The following DYNC2H1 variants were observed in gnomAD, a reference collection of about 807,000 sequenced individuals.
DYNC2H1 encodes cytoplasmic dynein 2 heavy chain 1.
In DYNC2H1, 410 loss-of-function variants were observed where a neutral mutation model predicts 570.0. The observed-to-expected ratio is 0.72, with a 90% CI of 0.66 to 0.78. The LOEUF is 0.78. Ranked by LOEUF, DYNC2H1 falls within the 30% of genes least tolerant of loss-of-function variation. The probability of loss-of-function intolerance (pLI) is 0.00; values close to 1 mark genes in which losing one functional copy is unlikely to be tolerated. For synonymous variants in DYNC2H1, 1,688 were observed against 1,677.6 expected (o/e 1.01, Z -0.15); for missense variants, 4,865 against 5,046.4 (o/e 0.96, Z 1.09).
rs759135393 is a variant in DYNC2H1, at chr11:103,222,090, A to C, written c.9168A>C (p.Ser3056=). Residue 3056 remains serine, a synonymous_variant, in exon 58 of 89, where the codon TCA becomes TCC. Coordinates refer to ENST00000375735, the MANE Select transcript of DYNC2H1 (RefSeq NM_001377.3). ...CAACCTTTGATGCCCGAAATATTTC[A>C]AAGGAAATAAGAGAGAGTGTTGAAG... is the stretch of plus-strand genomic sequence containing the variant. ...DIATFDARNI[S]KEIRESVEEL... is the part of the protein sequence containing the mutation. 2 of 1,609,540 alleles carry C rather than the reference A, an allele frequency of 1.2e-6. No homozygotes were observed. Among genetic ancestry groups the C allele is most frequent in the East Asian group, 4.5e-5 (2 of 44,704 alleles).
At chr11:103,376,252 C>G (rs1395449329) in intron 83 of DYNC2H1, among the ~76,000 whole-genome samples, 1 of 152,204 alleles carries the variant, frequency 6.6e-6, no homozygotes, top group Non-Finnish European at 1.5e-5. Flanking sequence ...ATTACCCAGT[C>G]TCAGGTAATT....
intron 78 of DYNC2H1, among the ~76,000 whole-genome samples, chr11:103,310,517 GGTT>G (rs1323733920): frequency 6.6e-6 from 1 of 151,820 alleles, no homozygotes; most frequent in Non-Finnish European, 1.5e-5. Flanking sequence ...AACTCTAAGT[GGTT>G]GTTTGGTTTC....
At chr11:103,211,339 C>T (rs974114472) in intron 53 of DYNC2H1, among the ~76,000 whole-genome samples, 31 of 151,994 alleles carry the variant, frequency 2.0e-4, no homozygotes, top group African/African-American at 7.5e-4. Context: ...CTAGTGTGAA[C>T]TTATTCTTAA....
At chr11:103,126,351 T>C (rs1859000553) in intron 12 of DYNC2H1, among the ~76,000 whole-genome samples, 1 of 152,196 alleles carries the variant, frequency 6.6e-6, no homozygotes, top group South Asian at 2.1e-4. Context: ...TGCTTAGCAC[T>C]GCCAATCAAA....
At chr11:103,219,850 G>A in intron 55 of DYNC2H1, 65 bp from the exon 56 acceptor site, 1 of 916,344 alleles carries the variant, frequency 1.1e-6, no homozygotes, top group Non-Finnish European at 1.6e-6. Flanking sequence ...GTTATATTTT[G>A]GATTTCATGC....
In DYNC2H1 at chr11:103,186,165, A is replaced by G; in HGVS notation, c.6634-77A>G. 1 of 1,392,930 alleles carries G rather than the reference A, an allele frequency of 7.2e-7. No individual in the cohort carries two copies. The highest frequency in any genetic ancestry group is 2.4e-5 in the Admixed American group (1 of 40,842). The allele number at this position is 1,392,930 out of a possible 1,614,324, so 86.3% of individuals were successfully genotyped here. ...GGAACTAAGATGATTTACTTTTGGG[A>G]TATTTACTTGGAAGAATTTTAAAAT... is the stretch of plus-strand genomic sequence containing the variant. On this transcript the variant is annotated intron_variant, in intron 41 of 88. Coordinates refer to ENST00000375735, the MANE Select transcript of DYNC2H1 (RefSeq NM_001377.3). This position sits in a 1 kb window ranked among gnomAD's most constrained non-coding sequence, Gnocchi z 4.5.
intron 71 of DYNC2H1, among the ~76,000 whole-genome samples, chr11:103,281,087 A>G (rs1316874842): frequency 6.6e-6 from 1 of 152,084 alleles, no homozygotes; most frequent in Non-Finnish European, 1.5e-5. Flanking sequence ...GGGATGGTAT[A>G]TGGACAGTGC....
At chr11:103,148,710 T>G in intron 20 of DYNC2H1, 93 bp downstream of exon 20, 1 of 1,421,898 alleles carries the variant, frequency 7.0e-7, no homozygotes, top group Non-Finnish European at 9.4e-7. Context: ...TACAAATATA[T>G]AATCTCAACA....
At chr11:103,404,803 G>A (rs559393914) in intron 84 of DYNC2H1, 1 of 151,852 alleles carries the variant, frequency 6.6e-6, no homozygotes, top group Admixed American at 6.6e-5. Context: ...ACCTCCTACT[G>A]TGAATAGGAA....
intron 84 of DYNC2H1, among the ~76,000 whole-genome samples, chr11:103,432,204 G>T (rs1281265997): frequency 6.6e-6 from 1 of 152,026 alleles, no homozygotes. Context: ...ATAGTTCATC[G>T]TTGTTACGTA....
intron 83 of DYNC2H1, among the ~76,000 whole-genome samples, chr11:103,385,407 T>G (rs1425437431): frequency 6.6e-6 from 1 of 151,622 alleles, no homozygotes; most frequent in Non-Finnish European, 1.5e-5. Context: ...AACTGTCTTC[T>G]GGTTCACTGT....
rs970029370 is a variant in DYNC2H1, at chr11:103,439,835, C to G, written c.12456+3803C>G. On this transcript the variant is annotated intron_variant, in intron 85 of 88. Coordinates refer to ENST00000375735, the MANE Select transcript of DYNC2H1 (RefSeq NM_001377.3). The surrounding 1 kb of genome is among the most constrained non-coding windows in gnomAD (Gnocchi z 4.1). ...AAATGAATGGACTGGACAGATTACTCTCTTTGGGGAACTTAGAATTATTTC... is the reference window on the plus strand; with the variant it reads ...AAATGAATGGACTGGACAGATTACTGTCTTTGGGGAACTTAGAATTATTTC... Among the ~76,000 whole-genome samples, 9 of 152,118 alleles carry G rather than the reference C, an allele frequency of 5.9e-5. No homozygotes were observed. The highest frequency in any genetic ancestry group is 1.0e-4 in the Non-Finnish European group (7 of 68,000).
intron 84 of DYNC2H1, among the ~76,000 whole-genome samples, chr11:103,431,145 A>G (rs1289953821): frequency 6.6e-6 from 1 of 151,666 alleles, no homozygotes; most frequent in East Asian, 1.9e-4. Context: ...TCTTTCATGA[A>G]ATGCATGGGA....
intron 70 of DYNC2H1, among the ~76,000 whole-genome samples, chr11:103,278,560 T>G (rs1335803851): frequency 2.0e-5 from 3 of 152,104 alleles, no homozygotes; most frequent in Admixed American, 2.0e-4. Context: ...TGGACCTGTG[T>G]GGGTTCTTTT....
At chr11:103,288,102 A>T (rs890255448) in intron 75 of DYNC2H1, among the ~76,000 whole-genome samples, 1 of 151,850 alleles carries the variant, frequency 6.6e-6, no homozygotes, top group African/African-American at 2.4e-5. Flanking sequence ...TAGGTTTTAC[A>T]GTAGTGGTGT....
chr11:103,112,061 A>G (rs1342186913), intron 1 of DYNC2H1, among the ~76,000 whole-genome samples: 1 of 152,210 alleles, frequency 6.6e-6, no homozygotes, highest in Non-Finnish European at 1.5e-5. Context: ...GGGGAACTAA[A>G]GATATATAGG....
chr11:103,266,014 C>G (rs1865489279), intron 70 of DYNC2H1, among the ~76,000 whole-genome samples: 2 of 127,974 alleles, frequency 1.6e-5, no homozygotes, highest in Admixed American at 1.9e-4. Flanking sequence ...ACTTTGATCT[C>G]TGGCTCCTTG....
chr11:103,476,373 A>C (rs898104346), intron 88 of DYNC2H1, among the ~76,000 whole-genome samples: 1 of 152,168 alleles, frequency 6.6e-6, no homozygotes, highest in Non-Finnish European at 1.5e-5. Flanking sequence ...CAAAACTTAT[A>C]TTCTAGATAT....
chr11:103,451,351 T>TG (rs1944596288), intron 85 of DYNC2H1, among the ~76,000 whole-genome samples: 5 of 124,168 alleles, frequency 4.0e-5, no homozygotes, highest in African/African-American at 5.9e-5. Flanking sequence ...TTTTTTTTTT[T>TG]GAGATGGAGT....
Sources: gnomAD v4.1 joint callset for allele counts (sites outside exome capture counted in the v4.1 genomes callset) on GRCh38, gnomAD v4.1.1 for gene constraint, Gnocchi (gnomAD v3.1) non-coding constraint, MANE v1.5 for transcripts, NCBI Gene and HGNC (gene_info 2026-07-23, HGNC 2026-07-21) for gene names.